The following CEP83 variants were observed in gnomAD, a reference collection of about 807,000 sequenced individuals.
CEP83 encodes centrosomal protein of 83 kDa.
In CEP83, 70 loss-of-function variants were observed where a neutral mutation model predicts 101.9. The observed-to-expected ratio is 0.69, with a 90% CI of 0.57 to 0.84. The LOEUF is 0.84. Among genes scored for constraint, CEP83 ranks in the 40% least tolerant of loss-of-function variants. The pLI is 0.00. For synonymous variants in CEP83, 264 were observed against 267.9 expected (o/e 0.99, Z 0.14); for missense variants, 715 against 787.2 (o/e 0.91, Z 1.10).
At chr12:94,397,540 AC>A (rs1398364817) in intron 6 of CEP83, among the ~76,000 whole-genome samples, 4 of 152,006 alleles carry the variant, frequency 2.6e-5, no homozygotes, top group Non-Finnish European at 5.9e-5. Context: ...GACTATACCA[AC>A]CCCTTAAAAA....
At chr12:94,303,049 A>G (rs186273842), downstream of CEP83, among the ~76,000 whole-genome samples, 2 of 152,310 alleles carry the variant, frequency 1.3e-5, no homozygotes, top group African/African-American at 2.4e-5. Flanking sequence ...TAACTTACCT[A>G]TCTTCCCTGA....
the CEP83 span, chr12:94,297,174 T>A: frequency 6.2e-7 from 1 of 1,613,654 alleles, no homozygotes; most frequent in Non-Finnish European, 8.5e-7. Context: ...CTCTCCCTCT[T>A]TCTCTGGCAT....
intron 1 of CEP83, among the ~76,000 whole-genome samples, chr12:94,436,764 T>C (rs540911433): frequency 2.0e-5 from 3 of 148,138 alleles, no homozygotes; most frequent in South Asian, 2.2e-4. Context: ...CCGGAGGAGG[T>C]TGCAGTGAGC....
At chr12:94,413,106 G>A (rs939096350) in intron 2 of CEP83, among the ~76,000 whole-genome samples, 1 of 151,354 alleles carries the variant, frequency 6.6e-6, no homozygotes, top group Non-Finnish European at 1.5e-5. Context: ...TGCCTGCCTC[G>A]GCCTCCCAAA....
intron 11 of CEP83, among the ~76,000 whole-genome samples, chr12:94,359,768 T>C (rs553805688): frequency 2.6e-5 from 4 of 152,046 alleles, no homozygotes; most frequent in Non-Finnish European, 5.9e-5. Context: ...AGAGGATTCT[T>C]CCAAACTCTA....
intron 11 of CEP83, among the ~76,000 whole-genome samples, chr12:94,348,837 C>T (rs1422760551): frequency 1.3e-5 from 2 of 152,176 alleles, no homozygotes; most frequent in African/African-American, 2.4e-5. Flanking sequence ...ACAACCAATG[C>T]GTCAAAAGTG....
intron 11 of CEP83, among the ~76,000 whole-genome samples, chr12:94,363,613 T>C (rs1322496545): frequency 1.3e-5 from 2 of 152,082 alleles, no homozygotes; most frequent in Non-Finnish European, 2.9e-5. Context: ...TCGATAAATA[T>C]AGTATATATG....
At chr12:94,413,558 G>A (rs537410527) in intron 2 of CEP83, among the ~76,000 whole-genome samples, 2 of 152,210 alleles carry the variant, frequency 1.3e-5, no homozygotes, top group Non-Finnish European at 2.9e-5. Flanking sequence ...TCTTTTACTT[G>A]ACACAAGGCA....
intron 6 of CEP83, among the ~76,000 whole-genome samples, chr12:94,389,893 G>A (rs1473536933): frequency 6.6e-6 from 1 of 152,210 alleles, no homozygotes; most frequent in Admixed American, 6.5e-5. Context: ...ATCGAACTGC[G>A]AGGCGGCACC....
At chr12:94,424,747 C>T in intron 2 of CEP83, 1 of 1,611,976 alleles carries the variant, frequency 6.2e-7, no homozygotes, top group African/African-American at 1.3e-5. Context: ...GCTGACACAG[C>T]TTGACAAGAT....
intron 11 of CEP83, among the ~76,000 whole-genome samples, chr12:94,347,068 T>TATATATATACACATACACACACACACAC (rs561705061): frequency 6.8e-6 from 1 of 147,416 alleles, no homozygotes; most frequent in Non-Finnish European, 1.5e-5. Flanking sequence ...TATATATATA[T>TATATATATACACATACACACACACACAC]ACACATACAC....
chr12:94,457,852 G>C (rs1381996965), intron 1 of CEP83, among the ~76,000 whole-genome samples: 2 of 152,114 alleles, frequency 1.3e-5, no homozygotes, highest in Non-Finnish European at 2.9e-5. Context: ...TATCATTAAG[G>C]GTTCAATAAG....
chr12:94,364,045 T>C (rs2060904904), intron 11 of CEP83, among the ~76,000 whole-genome samples: 1 of 150,422 alleles, frequency 6.6e-6, no homozygotes, highest in South Asian at 2.1e-4. Context: ...CAAAGGTATG[T>C]AGAGCAGTCA....
chr12:94,329,198 G>GA (rs562772538), intron 14 of CEP83, among the ~76,000 whole-genome samples: 1 of 151,126 alleles, frequency 6.6e-6, no homozygotes, highest in Non-Finnish European at 1.5e-5. Flanking sequence ...CATTTCAGTA[G>GA]AAAAAAAAAT....
rs145221816 is a variant in CEP83, at chr12:94,437,786, T to C, written c.-154-2459A>G. 7.6e-4 allele frequency among the ~76,000 whole-genome samples: 115 copies of C among 152,238 alleles called. 1 individual carries two copies. In the East Asian group the frequency reaches 0.02, roughly 27 times the overall value. On this transcript the variant is annotated intron_variant, in intron 1 of 16. Transcript: ENST00000397809. Reference sequence around the variant, plus strand: ...TCAAAATAGAACCTTTCTTAAAGCATAAATCTCACAAGACCTACAGAACAA... The same window carrying C: ...TCAAAATAGAACCTTTCTTAAAGCACAAATCTCACAAGACCTACAGAACAA...
chr12:94,389,830 C>T (rs1180045174), intron 6 of CEP83, among the ~76,000 whole-genome samples: 1 of 152,244 alleles, frequency 6.6e-6, no homozygotes, highest in Non-Finnish European at 1.5e-5. Context: ...ATGCCTGGCT[C>T]GGTGGGTCCC....
At chr12:94,275,819 C>T in the CEP83 span, among the ~76,000 whole-genome samples, 3 of 131,214 alleles carry the variant, frequency 2.3e-5, no homozygotes, top group African/African-American at 8.7e-5. Context: ...CCCGCCACTG[C>T]ACTCCAGCCT....
At chr12:94,332,389 T>C (rs1347799256) in intron 13 of CEP83, among the ~76,000 whole-genome samples, 1 of 152,196 alleles carries the variant, frequency 6.6e-6, no homozygotes, top group Non-Finnish European at 1.5e-5. Context: ...ATTCTTACTA[T>C]AGGCAGTACT....
chr12:94,401,237 CATT>C (rs2063235794), intron 5 of CEP83: 1 of 94,692 alleles, frequency 1.1e-5, no homozygotes, highest in Non-Finnish European at 1.6e-5. Flanking sequence ...CACTGGTTCT[CATT>C]ATGATAAAGT....
Sources: allele counts gnomAD v4.1 joint callset (sites outside exome capture counted in the v4.1 genomes callset), GRCh38; gene constraint gnomAD v4.1.1; transcripts MANE v1.5; gene names NCBI Gene and HGNC (gene_info 2026-07-23, HGNC 2026-07-21).